The following LRRC49 variants were observed in gnomAD, a reference collection of about 807,000 sequenced individuals.
LRRC49 encodes leucine-rich repeat-containing protein 49.
A neutral mutation model predicts 83.3 loss-of-function variants in LRRC49; 50 were observed. That is an observed-to-expected ratio of 0.60 (90% CI 0.48 to 0.76). LRRC49 has a LOEUF of 0.76. LRRC49 is among the 30% of genes least tolerant of loss of function. The pLI is 0.00. For synonymous variants in LRRC49, 286 were observed against 283.3 expected (o/e 1.01, Z -0.10); for missense variants, 704 against 809.1 (o/e 0.87, Z 1.58).
At chr15:70,882,681 GTTAGACTTTGCTTTTCA>G in intron 2 of LRRC49, 8 of 1,611,184 alleles carry the variant, frequency 5.0e-6, no homozygotes, top group Non-Finnish European at 5.9e-6. Context: ...GTACCTATGA[GTTAGACTTTGCTTTTCA>G]TATATCTTTA....
intron 8 of LRRC49, among the ~76,000 whole-genome samples, chr15:70,961,047 T>C (rs1410954372): frequency 6.6e-6 from 1 of 152,150 alleles, no homozygotes; most frequent in African/African-American, 2.4e-5. Flanking sequence ...AAAAGACTTG[T>C]ATCCAAATTT....
In LRRC49 at chr15:70,997,522, G is replaced by A. The variant is rs552896510; in HGVS notation, c.1170-10857G>A. 5.9e-5 allele frequency among the ~76,000 whole-genome samples: 9 copies of A among 152,146 alleles called. No homozygotes were observed. In the East Asian group the frequency reaches 1.4e-3, roughly 23 times the overall value. On this transcript the variant is annotated intron_variant, in intron 11 of 15. Transcript: ENST00000260382. ...TCCTAGCACTTTGGGAGGCTGAGGCGGGTGGATAACCTGAGGTCAAGAGTT... is the reference window on the plus strand; with the variant it reads ...TCCTAGCACTTTGGGAGGCTGAGGCAGGTGGATAACCTGAGGTCAAGAGTT...
chr15:70,962,665 T>C (rs572289499), intron 8 of LRRC49, among the ~76,000 whole-genome samples: 4 of 151,734 alleles, frequency 2.6e-5, no homozygotes, highest in Admixed American at 6.6e-5. Context: ...TAGAAGCCAA[T>C]TGAAAGAGCT....
intron 8 of LRRC49, among the ~76,000 whole-genome samples, chr15:70,940,429 T>G (rs531148219): frequency 3.9e-5 from 6 of 152,094 alleles, no homozygotes; most frequent in East Asian, 1.9e-4. Flanking sequence ...GCTAATTTTT[T>G]TGTGTGTGTT....
intron 13 of LRRC49, among the ~76,000 whole-genome samples, chr15:71,011,320 G>T (rs1206100801): frequency 2.0e-5 from 3 of 151,952 alleles, no homozygotes; most frequent in African/African-American, 7.2e-5. Flanking sequence ...GTAACACACC[G>T]TTACCTCAGT....
At chr15:70,910,286 T>C (rs78956437) in intron 5 of LRRC49, among the ~76,000 whole-genome samples, 2 of 152,246 alleles carry the variant, frequency 1.3e-5, no homozygotes, top group East Asian at 3.9e-4. Flanking sequence ...ATAACTGAGA[T>C]AAAGTGGAGA....
intron 8 of LRRC49, among the ~76,000 whole-genome samples, chr15:70,945,519 C>CTCTGTG (rs2035975191): frequency 1.5e-5 from 2 of 135,882 alleles, no homozygotes; most frequent in South Asian, 5.0e-4. Context: ...ATTTAACAAC[C>CTCTGTG]TGTGTGTGTG....
upstream of LRRC49, among the ~76,000 whole-genome samples, chr15:70,891,088 A>G (rs1358840127): frequency 6.6e-6 from 1 of 152,214 alleles, no homozygotes; most frequent in South Asian, 2.1e-4. Flanking sequence ...GGAAATTACT[A>G]ACCTCTTGCT....
In LRRC49 at chr15:70,981,785, T is replaced by A. The variant is rs115713510; in HGVS notation, c.1005+1601T>A. Among the ~76,000 whole-genome samples the A allele has an allele frequency of 4.8e-3, 725 of 152,282 alleles. 9 individuals are homozygous for A. Among genetic ancestry groups the A allele is most frequent in the African/African-American group, 0.017 (706 of 41,564 alleles). Reference sequence around the variant, plus strand: ...TGGCACCTAGCTATTAGAAACATAATTGTCGCTGATATCCCAAATGCTTCT... The same window carrying A: ...TGGCACCTAGCTATTAGAAACATAAATGTCGCTGATATCCCAAATGCTTCT... On this transcript the variant is annotated intron_variant, in intron 10 of 15. Coordinates refer to ENST00000260382, the MANE Select transcript of LRRC49 (RefSeq NM_017691.5).
chr15:71,019,335 A>G (rs983815919), intron 14 of LRRC49, among the ~76,000 whole-genome samples: 6 of 152,178 alleles, frequency 3.9e-5, no homozygotes, highest in Non-Finnish European at 7.3e-5. Flanking sequence ...CATAAAAAAC[A>G]TTCTCGTTAC....
rs142312004 is a variant in LRRC49 at position 71,028,018 on chromosome 15, G to A, written c.1704-9161G>A. Among the ~76,000 whole-genome samples, 22 of 152,154 alleles carry A rather than the reference G, an allele frequency of 1.4e-4. No individual in the cohort carries two copies. In the East Asian group the frequency reaches 3.1e-3, roughly 21 times the overall value. On this transcript the variant is annotated intron_variant, in intron 14 of 15. Transcript: ENST00000260382. ...TGGTGAGAGAGGGCATCCTTGTCTC[G>A]TTACAGTTATCAAAGGGAATGCTTC...
In LRRC49 at chr15:70,904,596, T is replaced by C; in HGVS notation, c.341T>C (p.Leu114Pro). 6.2e-7 allele frequency: 1 copy of C among 1,613,744 alleles called. No individual in the cohort carries two copies. The highest frequency in any genetic ancestry group is 8.5e-7 in the Non-Finnish European group (1 of 1,179,702). Residue 114 changes from leucine to proline, a missense_variant, in exon 5 of 16, where the codon CTT (leucine) becomes CCT (proline). By Grantham distance (98) the Leu-to-Pro change is moderately conservative. Transcript: ENST00000260382. ...CCTATCATCAATGGGGAAGACCACC[T>C]TCGTTTGTTGAACTTTCAACACAAT... ...VCPIINGEDHLRLLNFQHNFI... is the reference protein window; with the variant it reads ...VCPIINGEDHPRLLNFQHNFI...
At chr15:70,916,995 T>C (rs1217124296) in intron 6 of LRRC49, among the ~76,000 whole-genome samples, 1 of 152,182 alleles carries the variant, frequency 6.6e-6, no homozygotes, top group Non-Finnish European at 1.5e-5. Flanking sequence ...CTGCTGTTGG[T>C]GCCTGCTCCA....
intron 15 of LRRC49, among the ~76,000 whole-genome samples, chr15:71,043,979 G>A (rs2039773946): frequency 6.6e-6 from 1 of 152,232 alleles, no homozygotes; most frequent in East Asian, 1.9e-4. Context: ...TGTAAAAGAA[G>A]CATTCACTAA....
intron 14 of LRRC49, among the ~76,000 whole-genome samples, chr15:71,029,690 G>A (rs1305406758): frequency 6.6e-6 from 1 of 152,144 alleles, no homozygotes; most frequent in Admixed American, 6.6e-5. Context: ...GTTGTTTTAT[G>A]AATCTGGGTG....
At chr15:70,900,753 A>T (rs1307210255) in intron 3 of LRRC49, among the ~76,000 whole-genome samples, 169 bp from the exon 4 acceptor site, 1 of 152,234 alleles carries the variant, frequency 6.6e-6, no homozygotes, top group Non-Finnish European at 1.5e-5. Flanking sequence ...TTTAAGAAGG[A>T]AAGAAACAAA....
At chr15:70,900,181 T>C in intron 3 of LRRC49, 1 of 220,686 alleles carries the variant, frequency 4.5e-6, no homozygotes, top group South Asian at 6.6e-5. Flanking sequence ...ATTTCATATG[T>C]GTATTTATTA....
intron 1 of LRRC49, among the ~76,000 whole-genome samples, chr15:70,868,671 G>T (rs951493019): frequency 2.6e-5 from 4 of 152,348 alleles, no homozygotes; most frequent in African/African-American, 9.6e-5. Flanking sequence ...GATGCAACTG[G>T]TCTGGGGACC....
In LRRC49 at chr15:70,996,889, A is replaced by G. The variant is rs1256087344; in HGVS notation, c.1170-11490A>G. On this transcript the variant is annotated intron_variant, in intron 11 of 15. Transcript: ENST00000260382. ...GCAGTGTTTAATTTGTGAATTTACCAGATTTGTTCATTGTGGTCAGAGAAG... is the reference window on the plus strand; with the variant it reads ...GCAGTGTTTAATTTGTGAATTTACCGGATTTGTTCATTGTGGTCAGAGAAG... 2.0e-5 allele frequency among the ~76,000 whole-genome samples: 3 copies of G among 152,196 alleles called. No homozygotes were observed. In the East Asian group the frequency reaches 5.8e-4, roughly 29 times the overall value.
Sources: allele counts gnomAD v4.1 joint callset (sites outside exome capture counted in the v4.1 genomes callset), GRCh38; gene constraint gnomAD v4.1.1; transcripts MANE v1.5; gene names NCBI Gene and HGNC (gene_info 2026-07-23, HGNC 2026-07-21).